The following TTBK1 variants were observed in gnomAD, a reference collection of about 807,000 sequenced individuals.
The protein encoded by TTBK1 is tau tubulin kinase 1.
A neutral mutation model predicts 108.5 loss-of-function variants in TTBK1; 34 were observed. That is an observed-to-expected ratio of 0.31 (90% CI 0.24 to 0.42). The LOEUF is 0.42. Among genes scored for constraint, TTBK1 ranks in the 10% least tolerant of loss-of-function variants. The pLI is 1.00. For missense variants in TTBK1, 1,539 were observed against 1,826.0 expected, an observed-to-expected ratio of 0.84 and a Z score of 2.86; for synonymous variants, 809 against 795.1, an observed-to-expected ratio of 1.02 and a Z score of -0.29.
chr6:43,250,388 C>G (rs987954588), intron 2 of TTBK1, among the ~76,000 whole-genome samples: 3 of 114,260 alleles, frequency 2.6e-5, no homozygotes, highest in African/African-American at 3.4e-5. Flanking sequence ...CGGAGTTTCT[C>G]TCTTGTTGCC....
chr6:43,260,151 G>T (rs1234704924), intron 12 of TTBK1, among the ~76,000 whole-genome samples: 1 of 152,228 alleles, frequency 6.6e-6, no homozygotes, highest in Non-Finnish European at 1.5e-5. Context: ...GGTTAGGGCT[G>T]AAGGATCTGA....
chr6:43,270,356 C>T, intron 13 of TTBK1: 1 of 1,011,054 alleles, frequency 9.9e-7, no homozygotes, highest in Non-Finnish European at 1.2e-6. Flanking sequence ...GATCTCTTGG[C>T]ATGGCTGGGT....
chr6:43,256,344 C>T (rs539577542), intron 9 of TTBK1, among the ~76,000 whole-genome samples: 3 of 152,116 alleles, frequency 2.0e-5, no homozygotes, highest in Admixed American at 2.0e-4. Context: ...CCATGTTGGC[C>T]AGGTGAACTC....
intron 13 of TTBK1, among the ~76,000 whole-genome samples, chr6:43,267,189 G>A (rs2150699780): frequency 6.6e-6 from 1 of 152,262 alleles, no homozygotes; most frequent in South Asian, 2.1e-4. Context: ...AGGACAGCGG[G>A]GTGAAGCAGA....
Position 43,257,498 on chromosome 6 carries a change from C to T in TTBK1, c.862-314C>T, listed in dbSNP as rs1046031039. ...ACCCCATGCATGGGTTTGGAAACTC[C>T]CAGTGGTTTAGGGTTGCTGACATGG... is the stretch of plus-strand genomic sequence containing the variant. On this transcript the variant is annotated intron_variant, in intron 9 of 14. Transcript: ENST00000259750. The surrounding 1 kb of genome is among the most constrained non-coding windows in gnomAD (Gnocchi z 4.5). Among the ~76,000 whole-genome samples, 2 of 152,026 alleles carry T rather than the reference C, an allele frequency of 1.3e-5. No homozygotes were observed. The highest frequency in any genetic ancestry group is 2.1e-4 in the South Asian group (1 of 4,830).
At chr6:43,255,251 A>G in intron 7 of TTBK1, 137 bp downstream of exon 7, 1 of 826,500 alleles carries the variant, frequency 1.2e-6, no homozygotes, top group Non-Finnish European at 2.0e-6. Context: ...CCTGGGCTGG[A>G]GGAAGGCCCC....
At position 43,269,075 on chromosome 6, in the gene TTBK1, T is replaced by C. The variant is rs932933528; in HGVS notation, c.1986+5725T>C. 6.6e-6 allele frequency among the ~76,000 whole-genome samples: 1 copy of C among 151,924 alleles called. No individual in the cohort carries two copies. Among genetic ancestry groups the C allele is most frequent in the African/African-American group, 2.4e-5 (1 of 41,340 alleles). On this transcript the variant is annotated intron_variant, in intron 13 of 14. Transcript: ENST00000259750. The surrounding 1 kb of genome is among the most constrained non-coding windows in gnomAD (Gnocchi z 4.8). ...GTCACTCAGATTTTAAGTGGTGGAGTTGGGATTCAAACACGAGTAATTGGG... is the reference window on the plus strand; with the variant it reads ...GTCACTCAGATTTTAAGTGGTGGAGCTGGGATTCAAACACGAGTAATTGGG...
In TTBK1 at chr6:43,263,258, C is replaced by T. The variant is rs768201476; in HGVS notation, c.1894C>T (p.Pro632Ser). Residue 632 changes from proline to serine, a missense_variant, in exon 13 of 15, where the codon CCC becomes TCC. Pro to Ser is a moderately conservative substitution (Grantham distance 74). This residue lies in a region of TTBK1 where 1,055 missense variants were observed against 1,086.5 expected (regional missense o/e 0.97). Transcript: ENST00000259750. The surrounding 1 kb of genome is among the most constrained non-coding windows in gnomAD (Gnocchi z 4.7). ...CGATGGCCGTTCCGAGACGTCACAG[C>T]CCCCCACGCCTGGCAGCCCTTCCCA... ...QGDGRSETSQPPTPGSPSHSP... is the reference protein window; with the variant it reads ...QGDGRSETSQSPTPGSPSHSP... The T allele has an allele frequency of 1.9e-6, 3 of 1,544,128 alleles. No homozygotes were observed. Among genetic ancestry groups the T allele is most frequent in the East Asian group, 4.8e-5 (2 of 41,788 alleles).
In TTBK1 at chr6:43,283,136, G is replaced by A. The variant is rs746824451; in HGVS notation, c.2396G>A (p.Arg799Gln). 11 of 1,570,666 alleles carry A rather than the reference G, an allele frequency of 7.0e-6. No individual in the cohort carries two copies. The East Asian group carries it at 9.4e-5, about 13-fold the overall frequency. Residue 799 changes from arginine (R) to glutamine (Q), a missense_variant, in exon 14 of 15, where the codon CGG (arginine) becomes CAG (glutamine). This residue lies in a region of TTBK1 where 1,055 missense variants were observed against 1,086.5 expected (regional missense o/e 0.97). Transcript: ENST00000259750. The surrounding 1 kb of genome is among the most constrained non-coding windows in gnomAD (Gnocchi z 8.1). ...SSEGSERSTD[R>Q]SQEGAPSTLL... The stretch of plus-strand genomic sequence containing the variant: ...GAGGGGAGTGAGAGGAGCACTGACC[G>A]GAGCCAGGAGGGTGCCCCGTCCACG...
At chr6:43,279,477 G>C (rs933183825) in intron 13 of TTBK1, among the ~76,000 whole-genome samples, 3 of 152,110 alleles carry the variant, frequency 2.0e-5, no homozygotes, top group Non-Finnish European at 2.9e-5. Flanking sequence ...CATGCTCAGA[G>C]CTCTCTGTCT....
chr6:43,271,851 G>T (rs1286525618), intron 13 of TTBK1: 1 of 984,962 alleles, frequency 1.0e-6, no homozygotes, highest in African/African-American at 1.8e-5. Context: ...GCCAGATTTG[G>T]GTTCTAATAC....
rs919174330 is a variant in TTBK1, at chr6:43,284,302, A to G, written c.3562A>G (p.Ile1188Val). The G allele has an allele frequency of 2.6e-6, 4 of 1,565,174 alleles. No homozygotes were observed. The African/African-American group carries it at 4.1e-5, about 16-fold the overall frequency. The change falls in exon 14 of 15, where the codon ATC (isoleucine) becomes GTC (valine). Residue 1188 changes from isoleucine to valine, a missense_variant. Physicochemically the swap from Ile to Val is conservative, Grantham distance 29. Coordinates refer to ENST00000259750, the MANE Select transcript of TTBK1 (RefSeq NM_032538.3). ...HGAAPALDTAITSRLQLQTPP... is the reference protein window; with the variant it reads ...HGAAPALDTAVTSRLQLQTPP... ...CGCGGCCCCAGCATTGGACACAGCCATCACCAGCAGGTGAGAAACCGCTGC... is the reference window on the plus strand; with the variant it reads ...CGCGGCCCCAGCATTGGACACAGCCGTCACCAGCAGGTGAGAAACCGCTGC...
chr6:43,263,612 G>A lies in TTBK1; in HGVS notation c.1986+262G>A, dbSNP rs1361558821. On this transcript the variant is annotated intron_variant, in intron 13 of 14. Transcript: ENST00000259750. This position sits in a 1 kb window ranked among gnomAD's most constrained non-coding sequence, Gnocchi z 4.7. Reference sequence around the variant, plus strand: ...AGTGACAAGGCAGGAGAAGGGCCTCGCAGGCCACGGGCACAGTGTTTTGCA... The same window carrying A: ...AGTGACAAGGCAGGAGAAGGGCCTCACAGGCCACGGGCACAGTGTTTTGCA... Among the ~76,000 whole-genome samples the A allele has an allele frequency of 6.6e-6, 1 of 152,218 alleles. No individual in the cohort carries two copies. Among genetic ancestry groups the A allele is most frequent in the Non-Finnish European group, 1.5e-5 (1 of 68,038 alleles).
Position 43,269,737 on chromosome 6 carries a change from C to T in TTBK1, c.1986+6387C>T. ...GTGTTCTCCTCCTCCACGCTGGAGA[C>T]GGAGCATTACCCTCACCCCGGCGGC... On this transcript the variant is annotated intron_variant, in intron 13 of 14. Transcript: ENST00000259750. The surrounding 1 kb of genome is among the most constrained non-coding windows in gnomAD (Gnocchi z 4.8). The T allele has an allele frequency of 1.2e-6, 2 of 1,608,564 alleles. No individual in the cohort carries two copies. Among genetic ancestry groups the T allele is most frequent in the Non-Finnish European group, 1.7e-6 (2 of 1,179,416 alleles).
In TTBK1 at chr6:43,254,663, C is replaced by A. The variant is rs780336245; in HGVS notation, c.576+12C>A. ...GGGATGTGCGGCCCGTGAGTACCGT[C>A]GGGGCGGGGAGGACAGTGGAGGACT... On this transcript the variant is annotated intron_variant, in intron 6 of 14. Coordinates refer to ENST00000259750, the MANE Select transcript of TTBK1 (RefSeq NM_032538.3). 1 of 1,551,356 alleles carries A rather than the reference C, an allele frequency of 6.4e-7. No homozygotes were observed. The highest frequency in any genetic ancestry group is 1.3e-5 in the South Asian group (1 of 79,450).
In TTBK1 at chr6:43,263,231, G is replaced by A. The variant is rs1161786655; in HGVS notation, c.1867G>A (p.Gly623Ser). 1.9e-6 allele frequency: 3 copies of A among 1,574,084 alleles called. No individual in the cohort carries two copies. The highest frequency in any genetic ancestry group is 2.6e-6 in the Non-Finnish European group (3 of 1,159,442). Residue 623 changes from glycine to serine, a missense_variant, in exon 13 of 15, where the codon GGC (glycine) becomes AGC (serine). Transcript: ENST00000259750. This position sits in a 1 kb window ranked among gnomAD's most constrained non-coding sequence, Gnocchi z 4.7. ...GCCCCTGCCACCCCAGCTGAGCCAG[G>A]GCGATGGCCGTTCCGAGACGTCACA... ...PQPLPPQLSQGDGRSETSQPP... is the reference protein window; with the variant it reads ...PQPLPPQLSQSDGRSETSQPP...
At chr6:43,255,299 C>T (rs1280052792) in intron 7 of TTBK1, among the ~76,000 whole-genome samples, 185 bp downstream of exon 7, 1 of 151,998 alleles carries the variant, frequency 6.6e-6, no homozygotes, top group Admixed American at 6.6e-5. Context: ...TCATTTGTTT[C>T]GGAAACCCCA....
intron 2 of TTBK1, among the ~76,000 whole-genome samples, chr6:43,248,317 G>A (rs766997714): frequency 1.3e-5 from 2 of 152,134 alleles, no homozygotes; most frequent in Non-Finnish European, 2.9e-5. Flanking sequence ...CCTGTTCCAA[G>A]TGAGGATGGC....
chr6:43,285,375 A>G lies in TTBK1; in HGVS notation c.3965A>G (p.Ter1322=). Residue 1322 remains the stop codon, a stop_retained_variant, in exon 15 of 15, where the codon TAA becomes TGA. Coordinates refer to ENST00000259750, the MANE Select transcript of TTBK1 (RefSeq NM_032538.3). The surrounding 1 kb of genome is among the most constrained non-coding windows in gnomAD (Gnocchi z 4.7). Reference sequence around the variant, plus strand: ...GCGGAGGGCCGGGCTGGGGCCAGATAATGACGCCCGCTGCTCTCCGCGGTC... The same window carrying G: ...GCGGAGGGCCGGGCTGGGGCCAGATGATGACGCCCGCTGCTCTCCGCGGTC... ...GGAEGRAGAR[*] The G allele has an allele frequency of 2.4e-6, 3 of 1,275,666 alleles. No individual in the cohort carries two copies. Among genetic ancestry groups the G allele is most frequent in the Non-Finnish European group, 3.0e-6 (3 of 1,015,828 alleles). 79.0% of individuals were successfully genotyped at this position (1,275,666 alleles called of 1,614,324 possible).
Sources: allele counts gnomAD v4.1 joint callset (sites outside exome capture counted in the v4.1 genomes callset), GRCh38; gene constraint gnomAD v4.1.1; regional missense constraint gnomAD v4.1.1; non-coding constraint Gnocchi (gnomAD v3.1); transcripts MANE v1.5; gene names NCBI Gene and HGNC (gene_info 2026-07-23, HGNC 2026-07-21).